BRWD3: variants seen among roughly 807,000 people sequenced by gnomAD.
BRWD3 encodes the protein bromodomain and WD repeat-containing protein 3.
Under a neutral mutation model 149.7 loss-of-function variants are expected in BRWD3, and 10 were observed. The ratio of observed to expected loss-of-function variants is 0.07; its 90% CI spans 0.04 to 0.11. The LOEUF (loss-of-function observed/expected upper bound fraction) is 0.11, where lower values mean the gene tolerates loss of function less well. Among genes scored for constraint, BRWD3 ranks in the 10% least tolerant of loss-of-function variants. The probability of loss-of-function intolerance (pLI) is 1.00; values close to 1 mark genes in which losing one functional copy is unlikely to be tolerated. For missense variants in BRWD3, 940 were observed against 1,373.2 expected (o/e 0.68, Z 4.99); for synonymous variants, 504 against 456.7 (o/e 1.10, Z -1.32).
At chrX:80,802,834 G>A (rs1468771353) in intron 4 of BRWD3, among the ~76,000 whole-genome samples, 5 of 110,797 alleles carry the variant, frequency 4.5e-5, no homozygotes, top group African/African-American at 1.3e-4. Context: ...GGCCAGGTGC[G>A]GTGGCTCACG....
intron 17 of BRWD3, among the ~76,000 whole-genome samples, chrX:80,722,080 T>C (rs2073159136): frequency 8.9e-6 from 1 of 111,887 alleles, no homozygotes; most frequent in Non-Finnish European, 1.9e-5. Context: ...ATGCCTAACC[T>C]CAAGTAATCC....
intron 7 of BRWD3, 101 bp from the exon 8 acceptor site, chrX:80,744,354 A>C (rs2073561883): frequency 1.6e-6 from 1 of 615,526 alleles, no homozygotes; most frequent in Middle Eastern, 4.9e-4. Context: ...ATTACTTCTA[A>C]GCCTTTACTT....
At chrX:80,805,806 G>A (rs1437348512) in intron 4 of BRWD3, among the ~76,000 whole-genome samples, 3 of 110,764 alleles carry the variant, frequency 2.7e-5, no homozygotes, top group South Asian at 3.8e-4. Context: ...GTGGTGGCGC[G>A]TGCCTGTAGT....
intron 26 of BRWD3, 24 bp from the exon 27 acceptor site, chrX:80,696,014 T>C (rs761795427): frequency 3.7e-6 from 4 of 1,080,114 alleles, no homozygotes; most frequent in East Asian, 3.0e-5. Flanking sequence ...AAAGCACATA[T>C]GAATCAATAT....
intron 8 of BRWD3, among the ~76,000 whole-genome samples, chrX:80,740,672 C>A (rs1367649495): frequency 2.7e-5 from 3 of 111,748 alleles, no homozygotes; most frequent in African/African-American, 9.8e-5. Flanking sequence ...TCACTTGAAC[C>A]TGGGAGGTGG....
chrX:80,718,883 C>G (rs1279156984), intron 18 of BRWD3, among the ~76,000 whole-genome samples: 1 of 111,244 alleles, frequency 9.0e-6, no homozygotes, highest in Non-Finnish European at 1.9e-5. Flanking sequence ...GATGCCCTGG[C>G]ACGTTTAATG....
rs1602371786 is a variant in BRWD3 at position 80,735,299 on chromosome X, T to C, written c.915-102A>G. On this transcript the variant is annotated intron_variant, in intron 9 of 40. Coordinates refer to ENST00000373275, the MANE Select transcript of BRWD3 (RefSeq NM_153252.5). ...ACTGATCAATTTAGCATCAATATTA[T>C]AGAAAAAACAAAAGGAACGTGGTCA... The C allele has an allele frequency of 1.8e-5, 12 of 656,846 alleles. No individual in the cohort carries two copies. The Admixed American group carries it at 2.5e-4, about 14-fold the overall frequency. 54.1% of individuals were successfully genotyped at this position (656,846 alleles called of 1,213,427 possible).
At chrX:80,700,253 C>T (rs2072761954) in intron 24 of BRWD3, among the ~76,000 whole-genome samples, 189 bp from the exon 25 acceptor site, 2 of 106,532 alleles carry the variant, frequency 1.9e-5, no homozygotes, top group Non-Finnish European at 3.9e-5. Context: ...GTGCTCAGTA[C>T]CACATCATAT....
intron 18 of BRWD3, among the ~76,000 whole-genome samples, chrX:80,718,477 A>G (rs2073103114): frequency 8.9e-6 from 1 of 111,748 alleles, no homozygotes; most frequent in Admixed American, 9.5e-5. Context: ...ACAACAGAAT[A>G]CAGATTTCAT....
intron 5 of BRWD3, among the ~76,000 whole-genome samples, chrX:80,792,166 T>C (rs1479556888): frequency 8.9e-6 from 1 of 112,725 alleles, no homozygotes; most frequent in African/African-American, 3.2e-5. Flanking sequence ...GGATATTTTA[T>C]TTCTAAGCTA....
At chrX:80,767,035 G>A (rs1393566796) in intron 6 of BRWD3, among the ~76,000 whole-genome samples, 1 of 112,672 alleles carries the variant, frequency 8.9e-6, no homozygotes, top group South Asian at 3.7e-4. Context: ...AGATCGACCT[G>A]CAAGGCAGTG....
intron 20 of BRWD3, chrX:80,710,062 G>A (rs1311412544): frequency 3.1e-6 from 3 of 974,555 alleles, no homozygotes; most frequent in Non-Finnish European, 4.4e-6. Flanking sequence ...TGGTTGCATT[G>A]AAAAGGGCAC....
chrX:80,724,656 T>C (rs1277507788), intron 15 of BRWD3, among the ~76,000 whole-genome samples: 1 of 111,736 alleles, frequency 8.9e-6, no homozygotes, highest in East Asian at 2.8e-4. Flanking sequence ...CTTTTTGTGA[T>C]TTTGGTTAGG....
At chrX:80,768,476 A>C (rs761925563) in intron 6 of BRWD3, among the ~76,000 whole-genome samples, 4 of 111,695 alleles carry the variant, frequency 3.6e-5, no homozygotes, top group Admixed American at 1.9e-4. Flanking sequence ...TATCCAGCCA[A>C]ACTAAGCTTC....
At chrX:80,710,734 T>C in intron 20 of BRWD3, 1 of 555,304 alleles carries the variant, frequency 1.8e-6, no homozygotes, top group Non-Finnish European at 3.1e-6. Flanking sequence ...ATGTATGTAT[T>C]ATCAAATATG....
chrX:80,755,779 T>C (rs1231490101), intron 6 of BRWD3, among the ~76,000 whole-genome samples: 1 of 112,129 alleles, frequency 8.9e-6, no homozygotes, highest in Non-Finnish European at 1.9e-5. Context: ...GAATATTTGA[T>C]AGACTATTAC....
intron 6 of BRWD3, among the ~76,000 whole-genome samples, chrX:80,758,284 T>A (rs2147809491): frequency 8.9e-6 from 1 of 112,149 alleles, no homozygotes; most frequent in Admixed American, 9.4e-5. Flanking sequence ...AAAGCTTGTA[T>A]CACTTATCCA....
Position 80,707,458 on chromosome X carries a change from C to T in BRWD3, c.2521G>A (p.Val841Ile). The T allele has an allele frequency of 8.3e-7, 1 of 1,210,551 alleles. No homozygotes were observed. The highest frequency in any genetic ancestry group is 2.2e-5 in the Admixed American group (1 of 45,884). ...GAACTTTCACTTTGCCATTCAACAA[C>T]AGGATCCTCTACCGAAGCGTCACTT... ...GTSDASVEDP[V>I]VEWQSESSSS... is the part of the protein sequence containing the mutation. Residue 841 changes from valine (V) to isoleucine (I), a missense_variant, in exon 22 of 41, where the codon GTT (valine) becomes ATT (isoleucine). Val to Ile is a conservative substitution (Grantham distance 29, BLOSUM62 3). Transcript: ENST00000373275.
chrX:80,704,291 T>G (rs1461179820), intron 23 of BRWD3, among the ~76,000 whole-genome samples: 1 of 111,004 alleles, frequency 9.0e-6, no homozygotes, highest in Non-Finnish European at 1.9e-5. Flanking sequence ...CCTATACAAT[T>G]TATCATACTC....
Sources: allele counts gnomAD v4.1 joint callset (sites outside exome capture counted in the v4.1 genomes callset), GRCh38; gene constraint gnomAD v4.1.1; transcripts MANE v1.5; gene names NCBI Gene and HGNC (gene_info 2026-07-23, HGNC 2026-07-21).